The following SEC23A variants were observed in gnomAD, a reference collection of about 807,000 sequenced individuals.
The protein encoded by SEC23A is protein transport protein Sec23A.
SEC23A carries 56 observed loss-of-function variants against 103.7 expected under a neutral mutation model. The ratio of observed to expected loss-of-function variants is 0.54; its 90% CI spans 0.44 to 0.67. The LOEUF is 0.67. Ranked by LOEUF, SEC23A falls within the 30% of genes least tolerant of loss-of-function variation. The pLI is 0.00. For synonymous variants in SEC23A, 281 were observed against 293.0 expected (o/e 0.96, Z 0.42); for missense variants, 784 against 936.4 (o/e 0.84, Z 2.12).
chr14:39,050,688 CAGGCCTGT>C (rs1236880032), intron 14 of SEC23A, among the ~76,000 whole-genome samples: 1 of 152,156 alleles, frequency 6.6e-6, no homozygotes, highest in African/African-American at 2.4e-5. Flanking sequence ...AGCAGTGGCA[CAGGCCTGT>C]AGTTCCTGCT....
intron 13 of SEC23A, among the ~76,000 whole-genome samples, chr14:39,057,968 A>G (rs1886304808): frequency 6.6e-6 from 1 of 152,254 alleles, no homozygotes. Flanking sequence ...AAACCAATTA[A>G]AAGTTAATAA....
At chr14:39,059,298 AAAAAAAAAAAAAC>A (rs1310961403) in intron 13 of SEC23A, among the ~76,000 whole-genome samples, 16,185 of 123,174 alleles carry the variant, frequency 0.13, 1,028 homozygotes, top group Admixed American at 0.16. Context: ...AAAAAAAAAA[AAAAAAAAAAAAAC>A]AACAAGGTGC....
chr14:39,094,798 G>A (rs1887830508), intron 2 of SEC23A: 1 of 509,120 alleles, frequency 2.0e-6, no homozygotes, highest in East Asian at 3.1e-5. Context: ...GAATCAGAAA[G>A]AGGGTAACAG....
Position 39,091,495 on chromosome 14 carries a change from C to G in SEC23A, c.585G>C (p.Leu195Phe), listed in dbSNP as rs1887660658. The G allele has an allele frequency of 6.2e-7, 1 of 1,613,682 alleles. No individual in the cohort carries two copies. Residue 195 changes from leucine to phenylalanine, a missense_variant, in exon 5 of 20, where the codon TTG becomes TTC. Leu to Phe is a conservative substitution (Grantham distance 22). This residue lies in a region of SEC23A where 683 missense variants were observed against 774.2 expected (regional missense o/e 0.88). Transcript: ENST00000307712. ...KSYVFRGTKD[L>F]SAKQLQEMLG... Reference sequence around the variant, plus strand: ...TGTTTACCTGCAGTTGTTTGGCAGACAAATCTTTTGTTCCTCTGAAGACAT... The same window carrying G: ...TGTTTACCTGCAGTTGTTTGGCAGAGAAATCTTTTGTTCCTCTGAAGACAT...
At chr14:39,097,876 G>A (rs1887941286) in intron 1 of SEC23A, among the ~76,000 whole-genome samples, 2 of 152,090 alleles carry the variant, frequency 1.3e-5, no homozygotes, top group Non-Finnish European at 2.9e-5. Flanking sequence ...CCTGAGATCA[G>A]GAGTTCAAGA....
chr14:39,044,625 G>A (rs1357792147), intron 16 of SEC23A, among the ~76,000 whole-genome samples: 7 of 152,056 alleles, frequency 4.6e-5, no homozygotes, highest in African/African-American at 1.7e-4. Context: ...TTTGATAACA[G>A]GTTAAAATAA....
intron 7 of SEC23A, among the ~76,000 whole-genome samples, chr14:39,077,846 T>C (rs1179819897): frequency 2.0e-5 from 3 of 151,952 alleles, no homozygotes; most frequent in Non-Finnish European, 4.4e-5. Context: ...GGCAAGAGAA[T>C]TGCTTGAACC....
At chr14:39,076,431 ATTT>A (rs766282291) in intron 7 of SEC23A, among the ~76,000 whole-genome samples, 2 of 134,544 alleles carry the variant, frequency 1.5e-5, no homozygotes, top group Non-Finnish European at 1.6e-5. Context: ...TGGGTTTTTA[ATTT>A]TTTTTTTTTT....
intron 9 of SEC23A, among the ~76,000 whole-genome samples, chr14:39,070,436 T>C (rs1443486574): frequency 6.6e-6 from 1 of 152,028 alleles, no homozygotes; most frequent in Non-Finnish European, 1.5e-5. Flanking sequence ...CAGGCCAGTA[T>C]CTCCTATGAA....
rs766755639 is a variant in SEC23A, at chr14:39,091,693, C to T, written c.387G>A (p.Leu129=). The change falls in exon 5 of 20, where the codon TTG becomes TTA. Residue 129 remains leucine (L), a synonymous_variant. Coordinates refer to ENST00000307712, the MANE Select transcript of SEC23A (RefSeq NM_006364.4). ...AAGTATCAACCACATAGAGGAATAT[C>T]AAAGGCATCTGAGGACCACGCTTTT... The part of the protein sequence containing the change: ...YVVLRGPQMP[L]IFLYVVDTCM... The T allele has an allele frequency of 3.1e-6, 5 of 1,613,706 alleles. No homozygotes were observed. Among genetic ancestry groups the T allele is most frequent in the Non-Finnish European group, 4.2e-6 (5 of 1,179,718 alleles).
chr14:39,081,474 T>C (rs1887223447), intron 7 of SEC23A, among the ~76,000 whole-genome samples: 1 of 152,212 alleles, frequency 6.6e-6, no homozygotes, highest in African/African-American at 2.4e-5. Flanking sequence ...TGGAGGGGAA[T>C]AACCCACTTA....
At position 39,044,057 on chromosome 14, in the gene SEC23A, A is replaced by G. The variant is rs60172088; in HGVS notation, c.1899+1106T>C. Among the ~76,000 whole-genome samples the G allele has an allele frequency of 8.6e-3, 1,308 of 152,278 alleles. 21 individuals are homozygous for G. The highest frequency in any genetic ancestry group is 0.029 in the African/African-American group (1,217 of 41,556). ...GTTTGTTATAAACCTGACTGTTGTTATGGTTTCTATGTTAATTAATAAGAA... is the reference window on the plus strand; with the variant it reads ...GTTTGTTATAAACCTGACTGTTGTTGTGGTTTCTATGTTAATTAATAAGAA... On this transcript the variant is annotated intron_variant, in intron 16 of 19. Transcript: ENST00000307712.
intron 15 of SEC23A, among the ~76,000 whole-genome samples, chr14:39,045,960 A>G (rs535167275): frequency 1.2e-3 from 188 of 152,328 alleles, no homozygotes; most frequent in African/African-American, 4.3e-3. Context: ...TTACTTGTTA[A>G]GGCAGGGCCA....
intron 19 of SEC23A, among the ~76,000 whole-genome samples, chr14:39,038,488 T>C (rs1288332539): frequency 6.6e-6 from 1 of 152,146 alleles, no homozygotes; most frequent in Non-Finnish European, 1.5e-5. Flanking sequence ...TCAATAAATG[T>C]TGATATGTTA....
intron 18 of SEC23A, 35 bp from the exon 19 acceptor site, chr14:39,039,131 A>G: frequency 6.3e-7 from 1 of 1,579,706 alleles, no homozygotes; most frequent in Non-Finnish European, 8.7e-7. Context: ...TTATCCATCA[A>G]AAATGGTTTC....
rs145380299 is a variant in SEC23A at position 39,074,783 on chromosome 14, G to A, written c.988-253C>T. Among the ~76,000 whole-genome samples the A allele has an allele frequency of 1.7e-3, 256 of 152,266 alleles. 5 individuals carry two copies. The East Asian group carries it at 0.047, about 28-fold the overall frequency. On this transcript the variant is annotated intron_variant, in intron 8 of 19. Transcript: ENST00000307712. The stretch of plus-strand genomic sequence containing the variant: ...AGCCAAACTTAAAGAAAGTCCTATT[G>A]CATATCTTGTTCTTCCTATATAAAC...
chr14:39,045,240 T>C lies in SEC23A; in HGVS notation c.1822A>G (p.Met608Val). 5.6e-6 allele frequency: 9 copies of C among 1,613,324 alleles called. No homozygotes were observed. The highest frequency in any genetic ancestry group is 7.6e-6 in the Non-Finnish European group (9 of 1,179,428). Reference sequence around the variant, plus strand: ...AGAGACTGGGTCAGATCTTGACGCATAAAATGGTGACGATAATATGAACTC... The same window carrying C: ...AGAGACTGGGTCAGATCTTGACGCACAAAATGGTGACGATAATATGAACTC... ...DESSYYRHHF[M>V]RQDLTQSLIM... Residue 608 changes from methionine to valine, a missense_variant, in exon 16 of 20, where the codon ATG (methionine) becomes GTG (valine). This residue lies in a region of SEC23A where 683 missense variants were observed against 774.2 expected (regional missense o/e 0.88). Coordinates refer to ENST00000307712, the MANE Select transcript of SEC23A (RefSeq NM_006364.4).
Position 39,061,757 on chromosome 14 carries a change from C to T in SEC23A, c.1505+8G>A. ...ATGAAAATCAAATCTCTAACAAATA[C>T]AACTTACTTCCTAGCAATGGTGGTC... On this transcript the variant is annotated splice_region_variant and intron_variant, in intron 13 of 19. Transcript: ENST00000307712. 1 of 1,589,200 alleles carries T rather than the reference C, an allele frequency of 6.3e-7. No homozygotes were observed. Among genetic ancestry groups the T allele is most frequent in the Non-Finnish European group, 8.6e-7 (1 of 1,157,302 alleles).
intron 10 of SEC23A, 91 bp downstream of exon 10, chr14:39,067,082 T>G (rs1594459764): frequency 6.7e-7 from 1 of 1,484,836 alleles, no homozygotes; most frequent in East Asian, 2.3e-5. Context: ...AAAGTAAATA[T>G]TAAATTTGAT....
Sources: gnomAD v4.1 joint callset for allele counts (sites outside exome capture counted in the v4.1 genomes callset) on GRCh38, gnomAD v4.1.1 for gene constraint, gnomAD v4.1.1 regional missense constraint, MANE v1.5 for transcripts, NCBI Gene and HGNC (gene_info 2026-07-23, HGNC 2026-07-21) for gene names.